Variants in KLRF2 observed in about 807,000 individuals in gnomAD.
KLRF2 encodes killer cell lectin-like receptor subfamily F member 2.
In KLRF2, 28 loss-of-function variants were observed where a neutral mutation model predicts 25.3. The ratio of observed to expected loss-of-function variants is 1.11; its 90% CI spans 0.82 to 1.52. The LOEUF is 1.52. Among genes scored for constraint, KLRF2 ranks in the 40% most tolerant of loss-of-function variants. The pLI, the probability that KLRF2 is intolerant of heterozygous loss-of-function variation, is 0.00. For missense variants in KLRF2, 265 were observed against 245.8 expected (o/e 1.08, Z -0.52); for synonymous variants, 73 against 85.0 (o/e 0.86, Z 0.78).
rs1213560902 is a variant in KLRF2 at position 9,884,885 on chromosome 12, ATATT to A, written c.71-45_71-42del. The A allele has an allele frequency of 6.8e-6, 4 of 587,924 alleles. No individual in the cohort carries two copies. In the South Asian group the frequency reaches 1.3e-4, roughly 19 times the overall value. The allele number at this position is 587,924 out of a possible 1,614,324, so 36.4% of individuals were successfully genotyped here. On this transcript the variant is annotated intron_variant, in intron 1 of 5. Coordinates refer to ENST00000535540, the MANE Select transcript of KLRF2 (RefSeq NM_001190765.1). The stretch of plus-strand genomic sequence containing the variant: ...TCTGTAATAAAAATGAAACAGAAAA[ATATT>A]TATAAAGTGAATAATCACAAGAATT...
intron 2 of KLRF2, among the ~76,000 whole-genome samples, chr12:9,888,095 T>TAA (rs1289201712): frequency 1.3e-5 from 1 of 74,530 alleles, no homozygotes; most frequent in African/African-American, 6.3e-5. Context: ...GTAATAAAAA[T>TAA]GAAAAAAAAA....
At chr12:9,884,583 T>C (rs1284289670) in intron 1 of KLRF2, among the ~76,000 whole-genome samples, 1 of 148,790 alleles carries the variant, frequency 6.7e-6, no homozygotes, top group African/African-American at 2.4e-5. Flanking sequence ...ATAATATATA[T>C]GTTTACATTG....
At chr12:9,892,358 CT>C (rs552561097) in intron 3 of KLRF2, among the ~76,000 whole-genome samples, 98 of 152,224 alleles carry the variant, frequency 6.4e-4, no homozygotes, top group African/African-American at 2.3e-3. Flanking sequence ...TAAAGACAAT[CT>C]TGAAATGTCA....
chr12:9,889,880 C>T (rs888818025), intron 3 of KLRF2, among the ~76,000 whole-genome samples: 6 of 151,808 alleles, frequency 4.0e-5, no homozygotes, highest in Non-Finnish European at 8.8e-5. Context: ...TCCCTATGTA[C>T]CTCAATTTCT....
At chr12:9,887,580 G>T (rs1862613227) in intron 2 of KLRF2, among the ~76,000 whole-genome samples, 2 of 152,144 alleles carry the variant, frequency 1.3e-5, no homozygotes, top group Admixed American at 6.5e-5. Flanking sequence ...ATAGAATGAA[G>T]CTAGCCCAAG....
chr12:9,893,131 A>G lies in KLRF2; in HGVS notation c.329A>G (p.Gln110Arg). ...KESQRDCTQL[Q>R]AHLLVIQNLD... ...AGTCAACGTGATTGTACACAGCTACAGGCACATTTACTGGTGATTCAAAAT... is the reference window on the plus strand; with the variant it reads ...AGTCAACGTGATTGTACACAGCTACGGGCACATTTACTGGTGATTCAAAAT... Residue 110 changes from glutamine to arginine, a missense_variant, in exon 4 of 6, where the codon CAG becomes CGG. Transcript: ENST00000535540. 2 of 1,535,268 alleles carry G rather than the reference A, an allele frequency of 1.3e-6. No individual in the cohort carries two copies. Among genetic ancestry groups the G allele is most frequent in the Non-Finnish European group, 1.7e-6 (2 of 1,146,424 alleles).
At chr12:9,894,948 C>G (rs1862739997) in intron 5 of KLRF2, among the ~76,000 whole-genome samples, 1 of 151,982 alleles carries the variant, frequency 6.6e-6, no homozygotes, top group African/African-American at 2.4e-5. Context: ...TTAAGGAAAA[C>G]AACACACATG....
chr12:9,885,806 T>G (rs1862589679), intron 2 of KLRF2, among the ~76,000 whole-genome samples: 1 of 152,060 alleles, frequency 6.6e-6, no homozygotes, highest in African/African-American at 2.4e-5. Context: ...AATTACTAAT[T>G]ACCTGAAAAT....
At chr12:9,891,047 A>AT (rs200627186) in intron 3 of KLRF2, among the ~76,000 whole-genome samples, 7,468 of 137,842 alleles carry the variant, frequency 0.054, 340 homozygotes, top group African/African-American at 0.13. Flanking sequence ...CCTCCTTTTA[A>AT]TTTTTTTTTT....
intron 3 of KLRF2, among the ~76,000 whole-genome samples, chr12:9,889,746 C>T (rs529162131): frequency 5.9e-5 from 9 of 151,682 alleles, no homozygotes; most frequent in South Asian, 2.1e-4. Context: ...AACTCCAATA[C>T]GGTAATACAG....
intron 5 of KLRF2, among the ~76,000 whole-genome samples, chr12:9,894,311 G>T (rs550280127): frequency 6.6e-6 from 1 of 151,848 alleles, no homozygotes; most frequent in Non-Finnish European, 1.5e-5. Flanking sequence ...CCTCAGAGTA[G>T]CTAGGACTAC....
chr12:9,888,476 T>C (rs1862632803), intron 2 of KLRF2, among the ~76,000 whole-genome samples: 1 of 150,444 alleles, frequency 6.6e-6, no homozygotes. Flanking sequence ...GGCAACAGAG[T>C]GAGACTCTGT....
chr12:9,886,526 G>A lies in KLRF2; in HGVS notation c.169+1494G>A, dbSNP rs1027627466. 2.0e-5 allele frequency among the ~76,000 whole-genome samples: 3 copies of A among 151,782 alleles called. No individual in the cohort carries two copies. In the South Asian group the frequency reaches 6.2e-4, roughly 32 times the overall value. ...GATGAAAGCTGTTCATCATGGTTAA[G>A]CTAAGGCAGGGCTCCATTTCAGAGA... On this transcript the variant is annotated intron_variant, in intron 2 of 5. Coordinates refer to ENST00000535540, the MANE Select transcript of KLRF2 (RefSeq NM_001190765.1).
At chr12:9,890,750 C>T (rs500221) in intron 3 of KLRF2, among the ~76,000 whole-genome samples, 121,078 of 152,118 alleles carry the variant, frequency 0.8, 48,210 homozygotes, top group South Asian at 0.85. Flanking sequence ...TGCTGTCTAA[C>T]ATAACCTAAT....
intron 3 of KLRF2, among the ~76,000 whole-genome samples, chr12:9,890,265 T>C (rs903617612): frequency 6.6e-6 from 1 of 152,310 alleles, no homozygotes; most frequent in African/African-American, 2.4e-5. Flanking sequence ...CAGTTGGCAG[T>C]TTTACAACAT....
At chr12:9,882,607 G>A (rs1320635228) in intron 1 of KLRF2, among the ~76,000 whole-genome samples, 2 of 151,894 alleles carry the variant, frequency 1.3e-5, no homozygotes, top group Non-Finnish European at 1.5e-5. Flanking sequence ...GTGAAACCCC[G>A]TCTCTACTAA....
At chr12:9,892,428 G>A (rs1324159895) in intron 3 of KLRF2, among the ~76,000 whole-genome samples, 5 of 152,052 alleles carry the variant, frequency 3.3e-5, no homozygotes, top group Admixed American at 2.6e-4. Context: ...TTTTTCAGTT[G>A]GTAATTAACT....
intron 4 of KLRF2, 110 bp from the exon 5 acceptor site, chr12:9,893,319 T>C (rs1862708708): frequency 8.3e-6 from 7 of 842,616 alleles, no homozygotes; most frequent in Non-Finnish European, 1.1e-5. Context: ...AAAATGCTAA[T>C]GTATATGAAA....
chr12:9,885,956 C>T (rs1301776330), intron 2 of KLRF2, among the ~76,000 whole-genome samples: 1 of 151,986 alleles, frequency 6.6e-6, no homozygotes, highest in African/African-American at 2.4e-5. Flanking sequence ...AAAAATGTTC[C>T]TAAAATTCAG....
Sources: gnomAD v4.1 joint callset for allele counts (sites outside exome capture counted in the v4.1 genomes callset) on GRCh38, gnomAD v4.1.1 for gene constraint, MANE v1.5 for transcripts, NCBI Gene and HGNC (gene_info 2026-07-23, HGNC 2026-07-21) for gene names.